Variants in SLC44A1 observed in about 807,000 individuals in gnomAD.
The protein encoded by SLC44A1 is choline transporter-like protein 1.
A neutral mutation model predicts 79.3 loss-of-function variants in SLC44A1; 26 were observed. The ratio of observed to expected loss-of-function variants is 0.33; its 90% CI spans 0.24 to 0.46. The LOEUF is 0.46. Ranked by LOEUF, SLC44A1 falls within the 20% of genes least tolerant of loss-of-function variation. The pLI is 1.00. For synonymous variants in SLC44A1, 263 were observed against 286.2 expected (o/e 0.92, Z 0.82); for missense variants, 688 against 798.1 (o/e 0.86, Z 1.66).
At chr9:105,362,083 T>C (rs1416564279) in intron 8 of SLC44A1, among the ~76,000 whole-genome samples, 2 of 152,124 alleles carry the variant, frequency 1.3e-5, no homozygotes, top group African/African-American at 4.8e-5. Flanking sequence ...CGTGTGTGTG[T>C]GTGTGTGTGA....
At chr9:105,330,239 T>C (rs1281798886) in intron 3 of SLC44A1, among the ~76,000 whole-genome samples, 1 of 152,174 alleles carries the variant, frequency 6.6e-6, no homozygotes. Context: ...TCCCAGAAGA[T>C]TGCACTGATT....
At chr9:105,300,009 G>A (rs1040909090) in intron 2 of SLC44A1, 3 of 866,586 alleles carry the variant, frequency 3.5e-6, no homozygotes, top group African/African-American at 3.7e-5. Flanking sequence ...GACTTCAGTG[G>A]CATTAGAGTC....
intron 3 of SLC44A1, among the ~76,000 whole-genome samples, chr9:105,314,099 GCT>G (rs1219745908): frequency 6.6e-5 from 10 of 152,140 alleles, no homozygotes; most frequent in Non-Finnish European, 1.2e-4. Context: ...CAGAGAGGAA[GCT>G]CGCTGTCTTC....
At chr9:105,431,512 A>G (rs959233686) in intron 15 of SLC44A1, among the ~76,000 whole-genome samples, 1 of 152,238 alleles carries the variant, frequency 6.6e-6, no homozygotes, top group Non-Finnish European at 1.5e-5. Context: ...TGCCTGGAGT[A>G]TAGCTGAACA....
intron 4 of SLC44A1, among the ~76,000 whole-genome samples, chr9:105,346,643 T>A (rs574009263): frequency 6.6e-6 from 1 of 152,256 alleles, no homozygotes; most frequent in Non-Finnish European, 1.5e-5. Flanking sequence ...ATTATTGTCA[T>A]GTTTTCTGCA....
At chr9:105,318,085 G>C (rs889871921) in intron 3 of SLC44A1, among the ~76,000 whole-genome samples, 14 of 152,144 alleles carry the variant, frequency 9.2e-5, no homozygotes, top group Non-Finnish European at 1.3e-4. Context: ...ACTTGTATTT[G>C]AGAACTTATT....
intron 4 of SLC44A1, among the ~76,000 whole-genome samples, 167 bp from the exon 5 acceptor site, chr9:105,348,191 G>T (rs898513490): frequency 5.9e-5 from 9 of 152,110 alleles, no homozygotes; most frequent in African/African-American, 2.2e-4. Context: ...TTTTAGAGAA[G>T]AATCAGTTTT....
rs1828864232 is a variant in SLC44A1 at position 105,395,789 on chromosome 9, A to G, written c.*6733A>G. On this transcript the variant is annotated 3_prime_UTR_variant, in exon 16 of 16. Coordinates refer to ENST00000374720, the MANE Select transcript of SLC44A1 (RefSeq NM_080546.5). The stretch of plus-strand genomic sequence containing the variant: ...TAAAAAAAAAGTAGACATTGAAAAG[A>G]AGACTTGGGAATAATTGGGCAGATA... 1.0e-6 allele frequency: 1 copy of G among 985,206 alleles called. No homozygotes were observed. Among genetic ancestry groups the G allele is most frequent in the East Asian group, 1.1e-4 (1 of 8,818 alleles). 61.0% of individuals were successfully genotyped at this position (985,206 alleles called of 1,614,324 possible).
At chr9:105,397,427 A>G (rs977973497), downstream of SLC44A1, 8 of 900,156 alleles carry the variant, frequency 8.9e-6, no homozygotes, top group East Asian at 3.6e-4. Context: ...CTTCGTTTCA[A>G]ATTAGGTCAG....
intron 1 of SLC44A1, among the ~76,000 whole-genome samples, chr9:105,251,894 C>T (rs1049326701): frequency 6.6e-6 from 1 of 152,172 alleles, no homozygotes; most frequent in African/African-American, 2.4e-5. Context: ...AAGCAGTAAA[C>T]ACGTAATTTT....
chr9:105,403,619 A>C (rs1013196697), intron 15 of SLC44A1, among the ~76,000 whole-genome samples: 1 of 149,164 alleles, frequency 6.7e-6, no homozygotes, highest in Non-Finnish European at 1.5e-5. Flanking sequence ...TTAGGAAGCA[A>C]AGGAGTAAGC....
chr9:105,282,575 G>A (rs1278777001), intron 1 of SLC44A1, among the ~76,000 whole-genome samples: 1 of 151,700 alleles, frequency 6.6e-6, no homozygotes, highest in African/African-American at 2.4e-5. Flanking sequence ...TTGAGATGGA[G>A]TCTTGCTCTG....
At chr9:105,377,880 TAG>T (rs1186724242) in intron 13 of SLC44A1, among the ~76,000 whole-genome samples, 1 of 152,210 alleles carries the variant, frequency 6.6e-6, no homozygotes, top group East Asian at 1.9e-4. Context: ...CATGTCTTTA[TAG>T]AGTGTCTACT....
chr9:105,279,240 A>G (rs1053701226), intron 1 of SLC44A1, among the ~76,000 whole-genome samples: 4 of 151,700 alleles, frequency 2.6e-5, no homozygotes, highest in Admixed American at 6.6e-5. Flanking sequence ...AAGTTATTTT[A>G]ATAATATGCT....
intron 4 of SLC44A1, among the ~76,000 whole-genome samples, chr9:105,340,742 C>T (rs1827062463): frequency 6.6e-6 from 1 of 152,208 alleles, no homozygotes; most frequent in Admixed American, 6.5e-5. Flanking sequence ...TTAGCACTTA[C>T]AACCATCCAT....
chr9:105,407,619 C>T (rs1207092384), intron 15 of SLC44A1, among the ~76,000 whole-genome samples: 1 of 151,514 alleles, frequency 6.6e-6, no homozygotes, highest in Non-Finnish European at 1.5e-5. Flanking sequence ...ACTGTAATCT[C>T]AGCACTTTGG....
At chr9:105,281,633 T>C (rs1830354946) in intron 1 of SLC44A1, among the ~76,000 whole-genome samples, 1 of 152,140 alleles carries the variant, frequency 6.6e-6, no homozygotes, top group Admixed American at 6.5e-5. Context: ...TTTGTTGACA[T>C]AGGGCTTCCA....
chr9:105,270,256 TCTC>T (rs1185141610), intron 1 of SLC44A1, among the ~76,000 whole-genome samples: 1 of 152,134 alleles, frequency 6.6e-6, no homozygotes, highest in Admixed American at 6.5e-5. Context: ...TAAAAAATTT[TCTC>T]CTAAGACTGT....
chr9:105,335,639 G>A lies in SLC44A1; in HGVS notation c.346G>A (p.Ala116Thr), dbSNP rs1327865215. The change falls in exon 4 of 16, where the codon GCG becomes ACG. Residue 116 changes from alanine to threonine, a missense_variant. Physicochemically the swap from Ala to Thr is moderately conservative, Grantham distance 58. Transcript: ENST00000374720. ...TAAGTCTGTAGCACTGTGTGTAGCA[G>A]CGTGTCCAAGGCAAGAACTGAAAAC... ...KIKSVALCVA[A>T]CPRQELKTLS... is the part of the protein sequence containing the mutation. The A allele has an allele frequency of 3.1e-6, 5 of 1,613,694 alleles. No individual in the cohort carries two copies. The highest frequency in any genetic ancestry group is 4.2e-6 in the Non-Finnish European group (5 of 1,179,810).
Sources: gnomAD v4.1 joint callset for allele counts (sites outside exome capture counted in the v4.1 genomes callset) on GRCh38, gnomAD v4.1.1 for gene constraint, MANE v1.5 for transcripts, NCBI Gene and HGNC (gene_info 2026-07-23, HGNC 2026-07-21) for gene names.